The following PRKD1 variants were observed in gnomAD, a reference collection of about 807,000 sequenced individuals.
The protein encoded by PRKD1 is protein kinase D1.
PRKD1 carries 63 observed loss-of-function variants against 95.9 expected under a neutral mutation model. The observed-to-expected ratio is 0.66, with a 90% confidence interval of 0.54 to 0.81. The LOEUF (loss-of-function observed/expected upper bound fraction) is 0.81, where lower values mean the gene tolerates loss of function less well. Ranked by LOEUF, PRKD1 falls within the 30% of genes least tolerant of loss-of-function variation. The pLI, the probability that PRKD1 is intolerant of heterozygous loss-of-function variation, is 0.00. For missense variants in PRKD1, 1,048 were observed against 1,165.3 expected, an observed-to-expected ratio of 0.90 and a Z score of 1.47; for synonymous variants, 425 against 423.1, an observed-to-expected ratio of 1.00 and a Z score of -0.05.
chr14:29,579,661 T>C (rs1892688963), intron 16 of PRKD1, among the ~76,000 whole-genome samples: 2 of 152,178 alleles, frequency 1.3e-5, no homozygotes, highest in African/African-American at 4.8e-5. Context: ...AAGTGACTTC[T>C]ACAGTCTTTT....
At chr14:29,826,746 CATATATATATACAT>C (rs1434197092) in intron 1 of PRKD1, among the ~76,000 whole-genome samples, 2,096 of 48,616 alleles carry the variant, frequency 0.043, 294 homozygotes, top group Admixed American at 0.062. Context: ...TATATATACA[CATATATATATACAT>C]ATATATATAC....
Position 29,636,379 on chromosome 14 carries a change from A to G in PRKD1, c.1101T>C (p.Asp367=), listed in dbSNP as rs1249665087. The G allele has an allele frequency of 6.2e-6, 10 of 1,614,134 alleles. No homozygotes were observed. Among genetic ancestry groups the G allele is most frequent in the Non-Finnish European group, 6.8e-6 (8 of 1,180,034 alleles). Residue 367 remains aspartate, a synonymous_variant, in exon 7 of 18, where the codon GAT becomes GAC. Coordinates refer to ENST00000331968, the MANE Select transcript of PRKD1 (RefSeq NM_002742.3). Reference sequence around the variant, plus strand: ...GGCACTCTGCCATTGCCATCTCTGCATCTTGGACCATTGCTTCTTCCATAT... The same window carrying G: ...GGCACTCTGCCATTGCCATCTCTGCGTCTTGGACCATTGCTTCTTCCATAT... ...MDDMEEAMVQ[D]AEMAMAECQN...
At chr14:29,704,271 C>T (rs1018034397) in intron 2 of PRKD1, among the ~76,000 whole-genome samples, 4 of 151,970 alleles carry the variant, frequency 2.6e-5, no homozygotes, top group African/African-American at 7.3e-5. Context: ...AAAGGACCCA[C>T]CATGAGAAAA....
At chr14:29,690,666 C>T (rs118163340) in intron 2 of PRKD1, among the ~76,000 whole-genome samples, 208 of 152,264 alleles carry the variant, frequency 1.4e-3, no homozygotes, top group Admixed American at 2.9e-3. Flanking sequence ...AACGGCATGA[C>T]CCTTTATGTA....
chr14:29,598,398 G>A (rs1893393571), intron 15 of PRKD1, among the ~76,000 whole-genome samples: 1 of 152,066 alleles, frequency 6.6e-6, no homozygotes. Context: ...AGTGTACTCA[G>A]AAGTGGGTAA....
At chr14:29,851,457 C>G (rs1376900731) in intron 1 of PRKD1, among the ~76,000 whole-genome samples, 2 of 151,992 alleles carry the variant, frequency 1.3e-5, no homozygotes, top group East Asian at 3.9e-4. Context: ...ATACAAGTGG[C>G]CAAAAACTAC....
chr14:29,852,026 A>T (rs1006941188), intron 1 of PRKD1, among the ~76,000 whole-genome samples: 4 of 152,190 alleles, frequency 2.6e-5, no homozygotes, highest in African/African-American at 9.6e-5. Context: ...TGGGAGCTAA[A>T]CACTGGGTAC....
At chr14:29,889,083 T>C (rs538893204) in intron 1 of PRKD1, among the ~76,000 whole-genome samples, 69 of 152,328 alleles carry the variant, frequency 4.5e-4, no homozygotes, top group African/African-American at 1.6e-3. Context: ...ATTGGTCCTC[T>C]AGTCCTTGAG....
In PRKD1 at chr14:29,883,322, T is replaced by C. The variant is rs556720774; in HGVS notation, c.264+43927A>G. ...GGTGGGGACAAATATCCAAACTATA[T>C]CAGCTGCTATGAACAGTGTCTCCAG... On this transcript the variant is annotated intron_variant, in intron 1 of 17. Transcript: ENST00000331968. Among the ~76,000 whole-genome samples, 3 of 152,256 alleles carry C rather than the reference T, an allele frequency of 2.0e-5. No homozygotes were observed. In the South Asian group the frequency reaches 6.2e-4, roughly 32 times the overall value.
At chr14:29,896,739 CAGGG>C (rs1894143000) in intron 1 of PRKD1, among the ~76,000 whole-genome samples, 1 of 130,388 alleles carries the variant, frequency 7.7e-6, no homozygotes, top group East Asian at 2.2e-4. Context: ...AAAAAAAAAA[CAGGG>C]AGAGAGCAGG....
intron 1 of PRKD1, among the ~76,000 whole-genome samples, chr14:29,899,179 ACAT>A (rs1368475980): frequency 3.2e-4 from 48 of 152,356 alleles, no homozygotes; most frequent in South Asian, 1.7e-3. Context: ...TATTTTAACT[ACAT>A]CACATTTAGT....
chr14:29,578,453 T>G, intron 16 of PRKD1, 93 bp from the exon 17 acceptor site: 4 of 863,112 alleles, frequency 4.6e-6, no homozygotes, highest in Non-Finnish European at 6.7e-6. Context: ...TTCACACAGT[T>G]AAATGCAGCA....
At chr14:29,758,081 T>G (rs1416398394) in intron 1 of PRKD1, among the ~76,000 whole-genome samples, 11 of 152,024 alleles carry the variant, frequency 7.2e-5, no homozygotes, top group Non-Finnish European at 1.5e-5. Context: ...TCTTTCTGAT[T>G]GCACTGCATG....
intron 1 of PRKD1, among the ~76,000 whole-genome samples, chr14:29,909,968 G>A (rs1422946299): frequency 2.6e-5 from 4 of 152,068 alleles, no homozygotes; most frequent in Non-Finnish European, 5.9e-5. Context: ...TCAGCTCTCT[G>A]TAAAACAGAC....
intron 6 of PRKD1, 132 bp downstream of exon 6, chr14:29,638,357 G>T (rs1424495258): frequency 3.7e-6 from 3 of 811,808 alleles, no homozygotes; most frequent in African/African-American, 3.5e-5. Context: ...AACAAACACT[G>T]GCCATAATTT....
chr14:29,903,961 T>G (rs1213576519), intron 1 of PRKD1, among the ~76,000 whole-genome samples: 4 of 152,112 alleles, frequency 2.6e-5, no homozygotes, highest in African/African-American at 9.6e-5. Flanking sequence ...ACACATATAT[T>G]TACGGATGTA....
intron 1 of PRKD1, among the ~76,000 whole-genome samples, chr14:29,778,078 G>A (rs1220564805): frequency 1.3e-5 from 2 of 152,182 alleles, no homozygotes; most frequent in Non-Finnish European, 2.9e-5. Context: ...CAGAAATAAA[G>A]TTGTTCTTTG....
chr14:29,897,154 T>G (rs1048093660), intron 1 of PRKD1, among the ~76,000 whole-genome samples: 4 of 152,086 alleles, frequency 2.6e-5, no homozygotes, highest in Non-Finnish European at 4.4e-5. Context: ...TATAAGCTTA[T>G]TTTACTCAAC....
intron 1 of PRKD1, among the ~76,000 whole-genome samples, chr14:29,758,776 C>T (rs1274319761): frequency 6.6e-6 from 1 of 152,186 alleles, no homozygotes; most frequent in Non-Finnish European, 1.5e-5. Flanking sequence ...GCCCACCTTC[C>T]TCCATAACAT....
Sources: gnomAD v4.1 joint callset for allele counts (sites outside exome capture counted in the v4.1 genomes callset) on GRCh38, gnomAD v4.1.1 for gene constraint, MANE v1.5 for transcripts, NCBI Gene and HGNC (gene_info 2026-07-23, HGNC 2026-07-21) for gene names.